Variants in WWOX observed in about 807,000 individuals in gnomAD.
WWOX encodes WW domain-containing oxidoreductase.
Under a neutral mutation model 46.2 loss-of-function variants are expected in WWOX, and 69 were observed. The observed-to-expected ratio is 1.49, with a 90% CI of 1.23 to 1.82. WWOX has a LOEUF of 1.82. Among genes scored for constraint, WWOX ranks in the 40% most tolerant of loss-of-function variants. WWOX has a pLI of 0.00. For synonymous variants in WWOX, 359 were observed against 202.6 expected (o/e 1.77, Z -6.56); for missense variants, 919 against 542.6 (o/e 1.69, Z -6.89).
At chr16:78,244,130 T>G in intron 5 of WWOX, among the ~76,000 whole-genome samples, 1 of 152,182 alleles carries the variant, frequency 6.6e-6, no homozygotes, top group Non-Finnish European at 1.5e-5. Context: ...TGTGCAATGG[T>G]GGGTAGGTCC....
intron 1 of WWOX, among the ~76,000 whole-genome samples, chr16:78,104,047 C>G (rs2031975814): frequency 6.6e-6 from 1 of 152,082 alleles, no homozygotes; most frequent in South Asian, 2.1e-4. Flanking sequence ...GCAGCCCCTT[C>G]ATGGGAGATG....
intron 5 of WWOX, among the ~76,000 whole-genome samples, chr16:78,336,721 G>A (rs4036023): frequency 6.6e-6 from 1 of 152,052 alleles, no homozygotes; most frequent in South Asian, 2.1e-4. Context: ...TTAAAAATTA[G>A]AGGCTAAAAG....
intron 8 of WWOX, among the ~76,000 whole-genome samples, chr16:78,972,854 C>G (rs2046498573): frequency 6.6e-6 from 1 of 152,174 alleles, no homozygotes; most frequent in Non-Finnish European, 1.5e-5. Flanking sequence ...AATCTGTCCT[C>G]TGAACTTAAC....
intron 8 of WWOX, among the ~76,000 whole-genome samples, chr16:78,953,463 C>T (rs1224574438): frequency 7.0e-6 from 1 of 143,258 alleles, no homozygotes; most frequent in Admixed American, 7.0e-5. Context: ...ACCTCTGCCC[C>T]ACTCTATGTA....
intron 8 of WWOX, among the ~76,000 whole-genome samples, chr16:78,980,114 C>G (rs928852397): frequency 6.6e-6 from 1 of 152,160 alleles, no homozygotes; most frequent in African/African-American, 2.4e-5. Context: ...GGCAACAGAG[C>G]GAGACTCCAT....
intron 8 of WWOX, among the ~76,000 whole-genome samples, chr16:79,193,695 C>A (rs1427533008): frequency 6.6e-6 from 1 of 152,144 alleles, no homozygotes; most frequent in African/African-American, 2.4e-5. Flanking sequence ...AGGTGAGATC[C>A]CACTGGTTTG....
intron 8 of WWOX, among the ~76,000 whole-genome samples, chr16:78,737,593 C>T (rs1207480536): frequency 6.6e-6 from 1 of 152,146 alleles, no homozygotes; most frequent in Non-Finnish European, 1.5e-5. Flanking sequence ...CTACTCCCAC[C>T]CTTCTCCCTG....
chr16:79,034,229 C>T (rs930793113), intron 8 of WWOX, among the ~76,000 whole-genome samples: 1 of 152,198 alleles, frequency 6.6e-6, no homozygotes, highest in African/African-American at 2.4e-5. Context: ...TAAAAAGCCT[C>T]ATGCCCAATG....
At chr16:78,685,812 G>T (rs1354777236) in intron 8 of WWOX, among the ~76,000 whole-genome samples, 2 of 151,818 alleles carry the variant, frequency 1.3e-5, no homozygotes, top group Admixed American at 6.6e-5. Context: ...CTCGGTCACT[G>T]TTGAGAGCCT....
chr16:79,194,437 G>C (rs1213485985), intron 8 of WWOX, among the ~76,000 whole-genome samples: 2 of 152,156 alleles, frequency 1.3e-5, no homozygotes, highest in Admixed American at 6.5e-5. Context: ...AATATAGATG[G>C]ACTGTGAAGA....
rs1276991001 is a variant in WWOX at position 78,314,711 on chromosome 16, T to TGTTTTTTG, written c.517-72149_517-72148insGTTTTTTG. 9.2e-5 allele frequency among the ~76,000 whole-genome samples: 13 copies of TGTTTTTTG among 140,780 alleles called. No individual in the cohort carries two copies. The South Asian group carries it at 9.3e-4, about 10-fold the overall frequency. The allele number at this position is 140,780 out of a possible 152,430, so 92.4% of individuals were successfully genotyped here. ...GGGTTTTTTTTTTTTGTTTTTTTTT[T>TGTTTTTTG]TTTTTTTTTTCTGTATTTTCAGTAG... On this transcript the variant is annotated intron_variant, in intron 5 of 8. Coordinates refer to ENST00000566780, the MANE Select transcript of WWOX (RefSeq NM_016373.4).
chr16:78,915,965 A>G (rs921894928), intron 8 of WWOX, among the ~76,000 whole-genome samples: 4 of 152,232 alleles, frequency 2.6e-5, no homozygotes, highest in African/African-American at 7.2e-5. Flanking sequence ...AATGAAGGCC[A>G]ATAGATGATA....
chr16:78,493,263 C>A (rs2738719), intron 8 of WWOX, among the ~76,000 whole-genome samples: 110,469 of 152,108 alleles, frequency 0.73, 42,883 homozygotes, highest in Non-Finnish European at 0.85. Context: ...GACACATACA[C>A]AAATGTCCTA....
chr16:78,940,507 C>T (rs1322720928), intron 8 of WWOX, among the ~76,000 whole-genome samples: 2 of 152,158 alleles, frequency 1.3e-5, no homozygotes, highest in Non-Finnish European at 2.9e-5. Flanking sequence ...TTCGAAGTCA[C>T]ATTTTTACAT....
chr16:78,944,769 G>A (rs1025819411), intron 8 of WWOX, among the ~76,000 whole-genome samples: 1 of 152,168 alleles, frequency 6.6e-6, no homozygotes, highest in African/African-American at 2.4e-5. Flanking sequence ...GCCCATCTAA[G>A]TAAGTGAGCA....
At chr16:78,505,489 T>A (rs181957352) in intron 8 of WWOX, among the ~76,000 whole-genome samples, 378 of 152,276 alleles carry the variant, frequency 2.5e-3, no homozygotes, top group Non-Finnish European at 4.5e-3. Flanking sequence ...GTACCTAGAT[T>A]TGGCCTGGGC....
At chr16:78,177,507 G>A (rs1325364034) in intron 5 of WWOX, among the ~76,000 whole-genome samples, 1 of 152,176 alleles carries the variant, frequency 6.6e-6, no homozygotes, top group African/African-American at 2.4e-5. Context: ...ACTGTGAACA[G>A]CCCCCATGGC....
chr16:78,857,464 C>T (rs927225082), intron 8 of WWOX, among the ~76,000 whole-genome samples: 2 of 152,148 alleles, frequency 1.3e-5, no homozygotes, highest in Non-Finnish European at 1.5e-5. Context: ...ATGTAATTCA[C>T]AGCCTCATTC....
intron 8 of WWOX, among the ~76,000 whole-genome samples, chr16:78,515,422 GT>G (rs2085464513): frequency 1.3e-5 from 2 of 152,128 alleles, no homozygotes; most frequent in South Asian, 4.1e-4. Context: ...GCATATCTGT[GT>G]TTGAGAGGCA....
Sources: allele counts gnomAD v4.1 joint callset (sites outside exome capture counted in the v4.1 genomes callset), GRCh38; gene constraint gnomAD v4.1.1; transcripts MANE v1.5; gene names NCBI Gene and HGNC (gene_info 2026-07-23, HGNC 2026-07-21).